LPAR6: variants seen among roughly 807,000 people sequenced by gnomAD.
The protein encoded by LPAR6 is lysophosphatidic acid receptor 6.
Under a neutral mutation model 22.0 loss-of-function variants are expected in LPAR6, and 17 were observed. That is an observed-to-expected ratio of 0.77 (90% CI 0.53 to 1.16). The LOEUF (loss-of-function observed/expected upper bound fraction) is 1.16, where lower values mean the gene tolerates loss of function less well. LPAR6 is among the 50% of genes most tolerant of loss of function. The pLI, the probability that LPAR6 is intolerant of heterozygous loss-of-function variation, is 0.00. For synonymous variants in LPAR6, 136 were observed against 139.8 expected (o/e 0.97, Z 0.19); for missense variants, 384 against 406.9 (o/e 0.94, Z 0.48).
intron 1 of LPAR6, among the ~76,000 whole-genome samples, chr13:48,392,814 T>G (rs963091200): frequency 6.6e-6 from 1 of 152,110 alleles, no homozygotes; most frequent in African/African-American, 2.4e-5. Flanking sequence ...GCTTGGTGAT[T>G]TTTTTGTTAG....
intron 1 of LPAR6, among the ~76,000 whole-genome samples, chr13:48,432,116 T>C (rs1426089197): frequency 6.6e-6 from 1 of 152,142 alleles, no homozygotes; most frequent in African/African-American, 2.4e-5. Context: ...CTGTTCTACA[T>C]AGGGAGGTCA....
At chr13:48,396,563 A>T (rs1049639570) in intron 1 of LPAR6, among the ~76,000 whole-genome samples, 3 of 152,222 alleles carry the variant, frequency 2.0e-5, no homozygotes, top group Non-Finnish European at 4.4e-5. Context: ...AACCTAGGCA[A>T]TACCATTCAG....
At chr13:48,420,177 G>T (rs975307237) in intron 2 of LPAR6, among the ~76,000 whole-genome samples, 6 of 152,126 alleles carry the variant, frequency 3.9e-5, no homozygotes, top group Non-Finnish European at 4.4e-5. Context: ...ACATCAAAAA[G>T]CTTATCCACC....
chr13:48,399,737 T>C (rs1948676092), intron 1 of LPAR6, among the ~76,000 whole-genome samples: 1 of 152,010 alleles, frequency 6.6e-6, no homozygotes, highest in Non-Finnish European at 1.5e-5. Flanking sequence ...TCCAGATCTG[T>C]TTATGATTTT....
intron 1 of LPAR6, among the ~76,000 whole-genome samples, chr13:48,391,133 G>GT (rs1477905579): frequency 1.3e-5 from 2 of 151,476 alleles, no homozygotes; most frequent in African/African-American, 2.4e-5. Flanking sequence ...TTTTGTAATT[G>GT]TTTTTTGATT....
chr13:48,440,772 TA>T (rs1233356840), intron 1 of LPAR6, among the ~76,000 whole-genome samples: 6 of 152,144 alleles, frequency 3.9e-5, no homozygotes, highest in African/African-American at 1.4e-4. Context: ...ACTTTTCATT[TA>T]AAAAATTAAT....
chr13:48,413,641 C>T (rs988564551), upstream of LPAR6, among the ~76,000 whole-genome samples: 1 of 152,096 alleles, frequency 6.6e-6, no homozygotes, highest in Non-Finnish European at 1.5e-5. Flanking sequence ...TAGCTCTTAT[C>T]CTGGGTCTCA....
At chr13:48,442,886 A>T (rs916918082) in intron 1 of LPAR6, among the ~76,000 whole-genome samples, 2 of 152,178 alleles carry the variant, frequency 1.3e-5, no homozygotes, top group African/African-American at 2.4e-5. Context: ...TTAAATATTT[A>T]AAAAAATACC....
chr13:48,411,763 T>G lies in LPAR6; in HGVS notation c.661A>C (p.Lys221Gln). The G allele has an allele frequency of 6.2e-7, 1 of 1,611,122 alleles. No individual in the cohort carries two copies. Among genetic ancestry groups the G allele is most frequent in the South Asian group, 1.1e-5 (1 of 90,962 alleles). ...TTTAAAACCTTAGTTTTGTTTATTTTGCTTCTACTTAATGTAACAGGTTTG... is the reference window on the plus strand; with the variant it reads ...TTTAAAACCTTAGTTTTGTTTATTTGGCTTCTACTTAATGTAACAGGTTTG... ...LTKPVTLSRS[K>Q]INKTKVLKMI... Residue 221 changes from lysine (K) to glutamine (Q), a missense_variant, in exon 1 of 1, where the codon AAA (lysine) becomes CAA (glutamine). By Grantham distance (53) the Lys-to-Gln change is moderately conservative. Transcript: ENST00000620633.
At chr13:48,398,236 A>C (rs1948663493) in intron 1 of LPAR6, among the ~76,000 whole-genome samples, 1 of 152,148 alleles carries the variant, frequency 6.6e-6, no homozygotes, top group Non-Finnish European at 1.5e-5. Context: ...TTAATTTTAA[A>C]AAATTCAATT....
upstream of LPAR6, among the ~76,000 whole-genome samples, chr13:48,430,667 G>T (rs1418806812): frequency 6.6e-6 from 1 of 152,144 alleles, no homozygotes; most frequent in African/African-American, 2.4e-5. Flanking sequence ...TTGAACCCAG[G>T]GGGCGGAGGT....
intron 1 of LPAR6, among the ~76,000 whole-genome samples, chr13:48,432,449 C>A (rs963948024): frequency 4.7e-5 from 7 of 150,514 alleles, no homozygotes; most frequent in African/African-American, 1.7e-4. Flanking sequence ...GGGCTACTTG[C>A]CAGTGTTCTG....
At chr13:48,409,989 T>C (rs1362072875), downstream of LPAR6, among the ~76,000 whole-genome samples, 1 of 152,182 alleles carries the variant, frequency 6.6e-6, no homozygotes, top group Non-Finnish European at 1.5e-5. Flanking sequence ...TTTAGTGAAA[T>C]GAAAATATAG....
chr13:48,407,899 GA>G (rs1273242436), downstream of LPAR6, among the ~76,000 whole-genome samples: 2 of 152,070 alleles, frequency 1.3e-5, no homozygotes, highest in Admixed American at 6.5e-5. Context: ...ATTTAGGCAC[GA>G]AAAAAGTTTA....
At chr13:48,410,705 G>T (rs919056393), downstream of LPAR6, among the ~76,000 whole-genome samples, 1 of 151,906 alleles carries the variant, frequency 6.6e-6, no homozygotes, top group Non-Finnish European at 1.5e-5. Flanking sequence ...TTTTGAAATT[G>T]GGTGCATTAT....
intron 1 of LPAR6, among the ~76,000 whole-genome samples, chr13:48,394,717 C>T (rs920268102): frequency 1.3e-5 from 2 of 152,336 alleles, no homozygotes; most frequent in East Asian, 1.9e-4. Context: ...CTGGGCAGGG[C>T]ATCTCTGAAA....
Position 48,394,733 on chromosome 13 carries a change from G to T in LPAR6, n.115-4921C>A, listed in dbSNP as rs187710715. Reference sequence around the variant, plus strand: ...TGGGCAGGGCATCTCTGAAAGAAAGGCAGCAGCCCCAGTCAGGGGCCTATA... The same window carrying T: ...TGGGCAGGGCATCTCTGAAAGAAAGTCAGCAGCCCCAGTCAGGGGCCTATA... On this transcript the variant is annotated intron_variant and non_coding_transcript_variant, in intron 1 of 1. Coordinates refer to the LPAR6 transcript ENST00000462781. Among the ~76,000 whole-genome samples the T allele has an allele frequency of 4.6e-4, 70 of 152,308 alleles. 1 individual carries two copies. The East Asian group carries it at 0.01, about 22-fold the overall frequency.
At chr13:48,415,288 T>C (rs2138216658), upstream of LPAR6, among the ~76,000 whole-genome samples, 1 of 152,050 alleles carries the variant, frequency 6.6e-6, no homozygotes, top group South Asian at 2.1e-4. Flanking sequence ...TTTTTCTTTT[T>C]CTTTCTTTCT....
At chr13:48,430,689 G>A (rs894531654), upstream of LPAR6, among the ~76,000 whole-genome samples, 1 of 152,068 alleles carries the variant, frequency 6.6e-6, no homozygotes, top group Non-Finnish European at 1.5e-5. Flanking sequence ...GCAGTGAGCC[G>A]AGATTGTGCC....
Sources: gnomAD v4.1 joint callset for allele counts (sites outside exome capture counted in the v4.1 genomes callset) on GRCh38, gnomAD v4.1.1 for gene constraint, MANE v1.5 for transcripts, NCBI Gene and HGNC (gene_info 2026-07-23, HGNC 2026-07-21) for gene names.